The following ERBB4 variants were observed in gnomAD, a reference collection of about 807,000 sequenced individuals.
ERBB4 encodes receptor tyrosine-protein kinase erbB-4.
ERBB4 carries 42 observed loss-of-function variants against 158.0 expected under a neutral mutation model. The ratio of observed to expected loss-of-function variants is 0.27; its 90% CI spans 0.21 to 0.34. The LOEUF (loss-of-function observed/expected upper bound fraction) is 0.34, where lower values mean the gene tolerates loss of function less well. Among genes scored for constraint, ERBB4 ranks in the 10% least tolerant of loss-of-function variants. ERBB4 has a pLI of 1.00. For missense variants in ERBB4, 1,333 were observed against 1,624.1 expected (o/e 0.82, Z 3.08); for synonymous variants, 583 against 558.7 (o/e 1.04, Z -0.61).
chr2:212,228,066 T>C (rs1463584380), intron 1 of ERBB4, among the ~76,000 whole-genome samples: 1 of 152,210 alleles, frequency 6.6e-6, no homozygotes, highest in African/African-American at 2.4e-5. Context: ...CCTGTTTCAA[T>C]ATTCTATGAA....
At chr2:211,658,317 A>G (rs1457539641) in intron 15 of ERBB4, among the ~76,000 whole-genome samples, 3 of 152,182 alleles carry the variant, frequency 2.0e-5, no homozygotes, top group Non-Finnish European at 2.9e-5. Flanking sequence ...AAATATGTTG[A>G]TATTTCAATG....
chr2:211,640,587 A>G (rs1032241794), intron 16 of ERBB4, among the ~76,000 whole-genome samples: 27 of 152,316 alleles, frequency 1.8e-4, no homozygotes, highest in African/African-American at 6.5e-4. Flanking sequence ...TTCTAACTGG[A>G]TAGTCAAGCC....
At chr2:211,723,575 G>A (rs1279850572) in intron 6 of ERBB4, among the ~76,000 whole-genome samples, 2 of 151,834 alleles carry the variant, frequency 1.3e-5, no homozygotes, top group East Asian at 1.9e-4. Flanking sequence ...CCTGATGATG[G>A]TCTACTAGAT....
At chr2:212,092,109 G>T (rs2078797384) in intron 2 of ERBB4, among the ~76,000 whole-genome samples, 1 of 152,074 alleles carries the variant, frequency 6.6e-6, no homozygotes, top group Admixed American at 6.5e-5. Context: ...AATGTCCTAT[G>T]GGAAACAAAT....
chr2:211,913,370 C>T (rs111282158), intron 3 of ERBB4, among the ~76,000 whole-genome samples: 23,646 of 151,912 alleles, frequency 0.16, 2,040 homozygotes, highest in Non-Finnish European at 0.18. Flanking sequence ...GAGGCTGAGG[C>T]GGGCGGATCA....
At position 211,850,613 on chromosome 2, in the gene ERBB4, T is replaced by C. The variant is rs185131786; in HGVS notation, c.422-62454A>G. ...TTGATAAGTTAACAATTGACAGAGA[T>C]GGTGGAAATATTCATTTCAGCTGGG... is the stretch of plus-strand genomic sequence containing the variant. On this transcript the variant is annotated intron_variant, in intron 3 of 27. Coordinates refer to ENST00000342788, the MANE Select transcript of ERBB4 (RefSeq NM_005235.3). Among the ~76,000 whole-genome samples the C allele has an allele frequency of 2.8e-3, 431 of 151,822 alleles. 2 individuals are homozygous for C. The highest frequency in any genetic ancestry group is 0.018 in the South Asian group (87 of 4,810).
chr2:211,948,538 A>G (rs2080775077), intron 2 of ERBB4, among the ~76,000 whole-genome samples: 1 of 150,998 alleles, frequency 6.6e-6, no homozygotes, highest in Admixed American at 6.6e-5. Flanking sequence ...TTAGTTGTCT[A>G]TAATAAGTTA....
chr2:212,228,764 A>G (rs2083563813), intron 1 of ERBB4, among the ~76,000 whole-genome samples: 1 of 152,234 alleles, frequency 6.6e-6, no homozygotes, highest in Non-Finnish European at 1.5e-5. Context: ...CAGACAAACA[A>G]AACGTCACAT....
rs139639289 is a variant in ERBB4, at chr2:212,157,556, G to GA, written c.83-32654dup. Among the ~76,000 whole-genome samples the GA allele has an allele frequency of 6.6e-3, 998 of 151,844 alleles. 8 individuals are homozygous for GA. Among genetic ancestry groups the GA allele is most frequent in the African/African-American group, 0.023 (934 of 41,466 alleles). Reference sequence around the variant, plus strand: ...ATTGTAAACATATTACTGTTCAAAGGAAAAAAAGACTGGGTTTTTTTGAAA... The same window carrying GA: ...ATTGTAAACATATTACTGTTCAAAGGAAAAAAAAGACTGGGTTTTTTTGAAA... On this transcript the variant is annotated intron_variant, in intron 1 of 27. Coordinates refer to ENST00000342788, the MANE Select transcript of ERBB4 (RefSeq NM_005235.3).
At chr2:211,936,690 A>C (rs1375515396) in intron 3 of ERBB4, among the ~76,000 whole-genome samples, 1 of 152,154 alleles carries the variant, frequency 6.6e-6, no homozygotes, top group Non-Finnish European at 1.5e-5. Context: ...TATTAAGAGA[A>C]CAAAGTTTAA....
chr2:211,428,909 A>G (rs1243181073), intron 21 of ERBB4, among the ~76,000 whole-genome samples: 1 of 151,820 alleles, frequency 6.6e-6, no homozygotes, highest in Admixed American at 6.6e-5. Flanking sequence ...AGAGATGATC[A>G]TCATGTTGCC....
intron 17 of ERBB4, among the ~76,000 whole-genome samples, chr2:211,624,818 G>A (rs972449333): frequency 3.9e-5 from 6 of 152,234 alleles, no homozygotes; most frequent in African/African-American, 1.4e-4. Flanking sequence ...GAGGGCCACT[G>A]TGAAAAGCTG....
intron 3 of ERBB4, among the ~76,000 whole-genome samples, chr2:211,905,711 T>C (rs1335239621): frequency 1.6e-5 from 2 of 126,404 alleles, no homozygotes; most frequent in African/African-American, 5.8e-5. Context: ...TATGTGTGTG[T>C]ATATATGTGT....
At chr2:211,655,177 T>C (rs2105893545) in intron 16 of ERBB4, among the ~76,000 whole-genome samples, 1 of 152,184 alleles carries the variant, frequency 6.6e-6, no homozygotes. Flanking sequence ...AACATTGTAA[T>C]TGAGATTCTC....
intron 1 of ERBB4, among the ~76,000 whole-genome samples, chr2:212,172,565 T>A (rs1482722783): frequency 1.3e-5 from 2 of 152,136 alleles, no homozygotes; most frequent in Admixed American, 6.6e-5. Context: ...TATACATTTG[T>A]ATATGTGTAT....
chr2:212,368,537 A>G (rs771101162), intron 1 of ERBB4, among the ~76,000 whole-genome samples: 7 of 152,042 alleles, frequency 4.6e-5, no homozygotes, highest in Non-Finnish European at 4.4e-5. Context: ...GAACTTACTC[A>G]TGTAACCAAA....
chr2:211,663,759 G>T (rs2105914729), intron 15 of ERBB4, among the ~76,000 whole-genome samples: 1 of 152,214 alleles, frequency 6.6e-6, no homozygotes, highest in African/African-American at 2.4e-5. Flanking sequence ...AACAGCTGTT[G>T]ACATCAACAT....
intron 4 of ERBB4, among the ~76,000 whole-genome samples, chr2:211,784,396 C>G (rs2076107467): frequency 6.6e-6 from 1 of 152,138 alleles, no homozygotes; most frequent in African/African-American, 2.4e-5. Context: ...ATAGTGTCCT[C>G]AAGATTTATT....
chr2:212,140,248 G>A (rs1238297662), intron 1 of ERBB4, among the ~76,000 whole-genome samples: 1 of 150,470 alleles, frequency 6.6e-6, no homozygotes, highest in Admixed American at 6.6e-5. Flanking sequence ...AGAATATATG[G>A]GTTTATGTAA....
Sources: allele counts gnomAD v4.1 joint callset (sites outside exome capture counted in the v4.1 genomes callset), GRCh38; gene constraint gnomAD v4.1.1; transcripts MANE v1.5; gene names NCBI Gene and HGNC (gene_info 2026-07-23, HGNC 2026-07-21).